The following GABRA5 variants were observed in gnomAD, a reference collection of about 807,000 sequenced individuals.
GABRA5 encodes gamma-aminobutyric acid type A receptor subunit alpha5, also known as gamma-aminobutyric acid receptor subunit alpha-5.
GABRA5 carries 18 observed loss-of-function variants against 47.3 expected under a neutral mutation model. The ratio of observed to expected loss-of-function variants is 0.38; its 90% CI spans 0.26 to 0.56. The LOEUF (loss-of-function observed/expected upper bound fraction) is 0.56, where lower values mean the gene tolerates loss of function less well. Among genes scored for constraint, GABRA5 ranks in the 20% least tolerant of loss-of-function variants. GABRA5 has a pLI of 0.71. For synonymous variants in GABRA5, 237 were observed against 229.3 expected, an observed-to-expected ratio of 1.03 and a Z score of -0.30; for missense variants, 365 against 599.3, an observed-to-expected ratio of 0.61 and a Z score of 4.08.
intron 6 of GABRA5, among the ~76,000 whole-genome samples, chr15:26,909,536 G>C (rs7497010): frequency 0.44 from 67,152 of 152,048 alleles, 16,006 homozygotes; most frequent in Middle Eastern, 0.55. Context: ...CAGTCAAGCT[G>C]TTGGCAGGAT....
chr15:26,948,389 C>A lies in GABRA5; in HGVS notation c.*156C>A. On this transcript the variant is annotated 3_prime_UTR_variant, in exon 11 of 11. Coordinates refer to ENST00000335625, the MANE Select transcript of GABRA5 (RefSeq NM_000810.4). Reference sequence around the variant, plus strand: ...TACAAATAATATTGCCTTGATGTTTCTATATGTAACTTCAGATGTTTCCAA... The same window carrying A: ...TACAAATAATATTGCCTTGATGTTTATATATGTAACTTCAGATGTTTCCAA... 1.5e-6 allele frequency: 1 copy of A among 663,222 alleles called. No homozygotes were observed. The highest frequency in any genetic ancestry group is 2.7e-5 in the East Asian group (1 of 36,512). The allele number at this position is 663,222 out of a possible 1,614,324, so 41.1% of individuals were successfully genotyped here.
intron 7 of GABRA5, among the ~76,000 whole-genome samples, chr15:26,919,732 T>C (rs557061972): frequency 6.6e-6 from 1 of 152,316 alleles, no homozygotes; most frequent in African/African-American, 2.4e-5. Context: ...TTTTATACTT[T>C]CTTATGCTAT....
At position 26,943,197 on chromosome 15, in the gene GABRA5, C is replaced by T. The variant is rs542943151; in HGVS notation, c.878-18C>T. The T allele has an allele frequency of 1.9e-5, 29 of 1,544,422 alleles. No homozygotes were observed. In the South Asian group the frequency reaches 3.3e-4, roughly 18 times the overall value. ...CCCCTGTTTCCGTTTTTCACTCTGC[C>T]CTGCCTGACCCCCGCAGGGGTCACC... On this transcript the variant is annotated intron_variant, in intron 9 of 10. Coordinates refer to ENST00000335625, the MANE Select transcript of GABRA5 (RefSeq NM_000810.4).
upstream of GABRA5, chr15:26,866,747 G>C (rs1213802437): frequency 6.6e-6 from 1 of 152,320 alleles, no homozygotes. Context: ...CGCATGTAAG[G>C]GGTGCCATGG....
At chr15:26,885,991 G>A (rs1339780502) in intron 6 of GABRA5, among the ~76,000 whole-genome samples, 1 of 151,132 alleles carries the variant, frequency 6.6e-6, no homozygotes, top group African/African-American at 2.4e-5. Flanking sequence ...AAGCCTGAAA[G>A]GTGTACCATA....
At chr15:26,873,304 A>G (rs1429363796) in intron 3 of GABRA5, among the ~76,000 whole-genome samples, 2 of 152,218 alleles carry the variant, frequency 1.3e-5, no homozygotes, top group Non-Finnish European at 2.9e-5. Context: ...CAATTGTGAG[A>G]TAAAATTGAG....
chr15:26,891,710 A>G (rs1893010586), intron 6 of GABRA5, among the ~76,000 whole-genome samples: 1 of 152,192 alleles, frequency 6.6e-6, no homozygotes, highest in Non-Finnish European at 1.5e-5. Context: ...GCTCAGAGCC[A>G]GGGAGGCTGC....
At chr15:26,915,940 C>T (rs573531780) in intron 7 of GABRA5, among the ~76,000 whole-genome samples, 11 of 152,234 alleles carry the variant, frequency 7.2e-5, no homozygotes, top group Non-Finnish European at 1.6e-4. Context: ...AATAAATGCC[C>T]ATCATCATCA....
At chr15:26,903,776 A>G (rs12908380) in intron 6 of GABRA5, among the ~76,000 whole-genome samples, 77,577 of 151,528 alleles carry the variant, frequency 0.51, 19,953 homozygotes, top group Middle Eastern at 0.56. Context: ...GTCTGTTCAC[A>G]TGCTTTGCTC....
At chr15:26,929,082 C>T (rs1894030055) in intron 7 of GABRA5, among the ~76,000 whole-genome samples, 1 of 152,196 alleles carries the variant, frequency 6.6e-6, no homozygotes, top group African/African-American at 2.4e-5. Flanking sequence ...GGACACCCAG[C>T]ATTCATGCTC....
chr15:26,883,595 G>C lies in GABRA5; in HGVS notation c.497+38G>C, dbSNP rs1455722506. On this transcript the variant is annotated intron_variant, in intron 6 of 10. Transcript: ENST00000335625. This position sits in a 1 kb window ranked among gnomAD's most constrained non-coding sequence, Gnocchi z 4.8. ...CGGGGGCGGGCGGGGCCGGGGGACG[G>C]TGCGGGGCAGGCGCGGCTGCCCATC... is the stretch of plus-strand genomic sequence containing the variant. 1.4e-6 allele frequency: 2 copies of C among 1,459,350 alleles called. No homozygotes were observed. The highest frequency in any genetic ancestry group is 2.1e-5 in the Admixed American group (1 of 47,066). 90.4% of individuals were successfully genotyped at this position (1,459,350 alleles called of 1,614,324 possible). A position where few individuals can be genotyped will look rare whatever the true frequency, so the allele number is the denominator to read the frequency against.
At chr15:26,928,560 G>A (rs992495977) in intron 7 of GABRA5, among the ~76,000 whole-genome samples, 1 of 152,034 alleles carries the variant, frequency 6.6e-6, no homozygotes, top group Non-Finnish European at 1.5e-5. Flanking sequence ...CGTGAGGGTG[G>A]GGGGTCCTCC....
At chr15:26,943,601 C>T (rs1430265240) in intron 10 of GABRA5, among the ~76,000 whole-genome samples, 175 bp downstream of exon 10, 5 of 152,188 alleles carry the variant, frequency 3.3e-5, no homozygotes, top group African/African-American at 1.2e-4. Flanking sequence ...CAATTTCACT[C>T]CAGCAAAAGG....
chr15:26,887,001 G>A (rs1313055329), intron 6 of GABRA5, among the ~76,000 whole-genome samples: 1 of 152,176 alleles, frequency 6.6e-6, no homozygotes, highest in Non-Finnish European at 1.5e-5. Context: ...ACCAAAGCAC[G>A]AATCACCCTG....
At chr15:26,890,764 TC>T (rs1892987500) in intron 6 of GABRA5, among the ~76,000 whole-genome samples, 1 of 152,186 alleles carries the variant, frequency 6.6e-6, no homozygotes, top group Admixed American at 6.5e-5. Context: ...CCTGTGTAAT[TC>T]CATATACTCC....
chr15:26,878,515 C>CA (rs938704101), intron 3 of GABRA5, among the ~76,000 whole-genome samples: 32 of 150,598 alleles, frequency 2.1e-4, no homozygotes, highest in South Asian at 4.3e-4. Flanking sequence ...AACAAACAAA[C>CA]AAAAAAAAAC....
At chr15:26,886,017 G>A (rs1892869782) in intron 6 of GABRA5, among the ~76,000 whole-genome samples, 1 of 151,618 alleles carries the variant, frequency 6.6e-6, no homozygotes, top group African/African-American at 2.4e-5. Context: ...GCAGTTTGCT[G>A]TTGTTGTTGT....
At chr15:26,911,381 A>T (rs1045913825) in intron 6 of GABRA5, among the ~76,000 whole-genome samples, 1 of 145,156 alleles carries the variant, frequency 6.9e-6, no homozygotes, top group Non-Finnish European at 1.5e-5. Flanking sequence ...GCACACACAC[A>T]CACACACACA....
At chr15:26,891,841 C>A (rs1171542145) in intron 6 of GABRA5, among the ~76,000 whole-genome samples, 1 of 152,160 alleles carries the variant, frequency 6.6e-6, no homozygotes, top group East Asian at 1.9e-4. Context: ...TCCCGGCCAG[C>A]GGGGAAAAGT....
Sources: allele counts gnomAD v4.1 joint callset (sites outside exome capture counted in the v4.1 genomes callset), GRCh38; gene constraint gnomAD v4.1.1; non-coding constraint Gnocchi (gnomAD v3.1); transcripts MANE v1.5; gene names NCBI Gene and HGNC (gene_info 2026-07-23, HGNC 2026-07-21).